PIK3C2G: variants seen among roughly 807,000 people sequenced by gnomAD.
The protein encoded by PIK3C2G is phosphatidylinositol 3-kinase C2 domain-containing subunit gamma.
PIK3C2G carries 168 observed loss-of-function variants against 181.1 expected under a neutral mutation model. The ratio of observed to expected loss-of-function variants is 0.93; its 90% CI spans 0.82 to 1.05. The LOEUF (loss-of-function observed/expected upper bound fraction) is 1.05, where lower values mean the gene tolerates loss of function less well. Ranked by LOEUF, PIK3C2G falls within the 50% of genes least tolerant of loss-of-function variation. The pLI is 0.00. For missense variants in PIK3C2G, 1,869 were observed against 1,732.8 expected (o/e 1.08, Z -1.40); for synonymous variants, 573 against 592.2 (o/e 0.97, Z 0.47).
chr12:18,660,430 AG>A, the PIK3C2G span, among the ~76,000 whole-genome samples: 1 of 152,102 alleles, frequency 6.6e-6, no homozygotes, highest in Non-Finnish European at 1.5e-5. Flanking sequence ...AGTGAGATCC[AG>A]GGGGGTTTAA....
chr12:18,421,032 C>T lies in PIK3C2G; in HGVS notation c.2407C>T (p.Gln803Ter), dbSNP rs1363775683. Residue 803 changes from glutamine to a stop codon, truncating the protein, a stop_gained and splice_region_variant, in exon 17 of 33, where the codon CAG becomes TAG. Transcript: ENST00000538779. LOFTEE classifies it high-confidence loss of function. ...ACTGGAATATCTCCCACAGCTAGTT[C>T]AGGTAAGAATAGAAGAGTTGCTAAG... The part of the protein sequence containing the change: ...ELLEYLPQLV[Q>*]AVKFEWNLES... 13 of 1,549,054 alleles carry T rather than the reference C, an allele frequency of 8.4e-6. No homozygotes were observed. In the Admixed American group the frequency reaches 2.2e-4, roughly 26 times the overall value.
At chr12:18,460,527 T>G (rs1947860758) in intron 18 of PIK3C2G, among the ~76,000 whole-genome samples, 1 of 151,416 alleles carries the variant, frequency 6.6e-6, no homozygotes. Context: ...TGAGCTGAGA[T>G]GGCGCCACTG....
chr12:18,652,178 G>C (rs76143562), downstream of PIK3C2G, among the ~76,000 whole-genome samples: 480 of 152,108 alleles, frequency 3.2e-3, 5 homozygotes, highest in African/African-American at 0.011. Flanking sequence ...AAAGAAAAAA[G>C]GTTACTAAAG....
chr12:18,285,231 TA>T (rs1226318289), intron 2 of PIK3C2G: 2 of 152,090 alleles, frequency 1.3e-5, no homozygotes, highest in African/African-American at 4.8e-5. Flanking sequence ...TTAAATTCTT[TA>T]AAAGAAAATA....
In PIK3C2G at chr12:18,286,857, G is replaced by A; in HGVS notation, c.689G>A (p.Cys230Tyr). Reference protein sequence around the residue: ...TWQKNIESIGCSIQLVEVPQS... With the variant: ...TWQKNIESIGYSIQLVEVPQS... ...AGATTTTATTTTAAGTCAATAGGTTGTTCCATTCAGCTAGTGGAAGTACCT... is the reference window on the plus strand; with the variant it reads ...AGATTTTATTTTAAGTCAATAGGTTATTCCATTCAGCTAGTGGAAGTACCT... Residue 230 changes from cysteine (C) to tyrosine (Y), a missense_variant, in exon 3 of 33, where the codon TGT (cysteine) becomes TAT (tyrosine). By Grantham distance (194) the Cys-to-Tyr change is radical (BLOSUM62 -2). Transcript: ENST00000538779. The A allele has an allele frequency of 6.5e-7, 1 of 1,538,288 alleles. No homozygotes were observed.
At chr12:18,650,698 GTGTGTGTATATATCTA>G (rs1565602417), downstream of PIK3C2G, among the ~76,000 whole-genome samples, 306 of 29,056 alleles carry the variant, frequency 0.011, 14 homozygotes, top group Non-Finnish European at 0.012. Flanking sequence ...GTGTGTGTGT[GTGTGTGTATATATCTA>G]TATATATATA....
At chr12:18,603,905 C>A (rs897191323) in intron 30 of PIK3C2G, among the ~76,000 whole-genome samples, 5 of 151,968 alleles carry the variant, frequency 3.3e-5, no homozygotes, top group African/African-American at 7.3e-5. Flanking sequence ...GGAAACACAT[C>A]AAAAAGAATC....
chr12:18,487,096 TTGTGTGTGTGTGTGTG>T (rs35440588), intron 18 of PIK3C2G, among the ~76,000 whole-genome samples: 6 of 142,198 alleles, frequency 4.2e-5, no homozygotes, highest in Admixed American at 2.1e-4. Flanking sequence ...TTGAGGTATT[TTGTGTGTGTGTGTGTG>T]TGTGTGTGTG....
chr12:18,326,866 T>C (rs1951368323), intron 8 of PIK3C2G, among the ~76,000 whole-genome samples: 1 of 152,268 alleles, frequency 6.6e-6, no homozygotes, highest in Non-Finnish European at 1.5e-5. Flanking sequence ...TACTTATGAA[T>C]GAATTTTAGT....
intron 22 of PIK3C2G, among the ~76,000 whole-genome samples, chr12:18,500,699 C>A (rs1941400714): frequency 6.6e-6 from 1 of 152,170 alleles, no homozygotes; most frequent in South Asian, 2.1e-4. Flanking sequence ...CTCGGCTCTA[C>A]CAATCAGCAG....
chr12:18,494,682 T>G (rs1940858235), intron 20 of PIK3C2G, among the ~76,000 whole-genome samples: 1 of 130,012 alleles, frequency 7.7e-6, no homozygotes, highest in Non-Finnish European at 1.7e-5. Flanking sequence ...GAGCAGAATT[T>G]AAAAACCACT....
At chr12:18,273,791 A>G (rs975398307) in intron 1 of PIK3C2G, among the ~76,000 whole-genome samples, 88 of 152,314 alleles carry the variant, frequency 5.8e-4, no homozygotes, top group African/African-American at 2.1e-3. Flanking sequence ...AACAAAAGCC[A>G]AAATTGAAAA....
chr12:18,642,279 A>G (rs612956), intron 32 of PIK3C2G, among the ~76,000 whole-genome samples: 2 of 152,118 alleles, frequency 1.3e-5, no homozygotes, highest in East Asian at 3.8e-4. Flanking sequence ...TTTGAGTTAA[A>G]TTTTTAATAA....
chr12:18,255,380 T>C (rs564461424), intron 1 of PIK3C2G, among the ~76,000 whole-genome samples: 3 of 152,320 alleles, frequency 2.0e-5, no homozygotes, highest in Non-Finnish European at 4.4e-5. Context: ...TAGGAGTTAA[T>C]ACAGTTTTGA....
chr12:18,618,076 AT>A (rs1948683437), intron 31 of PIK3C2G, among the ~76,000 whole-genome samples: 1 of 152,084 alleles, frequency 6.6e-6, no homozygotes, highest in South Asian at 2.1e-4. Flanking sequence ...GAACTTGGAG[AT>A]TTTACCCACA....
At chr12:18,623,110 T>C (rs868526791) in intron 31 of PIK3C2G, among the ~76,000 whole-genome samples, 38 of 151,826 alleles carry the variant, frequency 2.5e-4, no homozygotes, top group African/African-American at 8.9e-4. Flanking sequence ...ATCTAAAAAA[T>C]CATTGCTCAG....
At chr12:18,708,077 C>T in the PIK3C2G span, among the ~76,000 whole-genome samples, 4 of 152,128 alleles carry the variant, frequency 2.6e-5, no homozygotes, top group African/African-American at 9.7e-5. Context: ...ACTTTATTAC[C>T]TATAATCCTC....
chr12:18,352,898 G>A (rs1940356056), intron 11 of PIK3C2G, among the ~76,000 whole-genome samples: 1 of 152,092 alleles, frequency 6.6e-6, no homozygotes, highest in African/African-American at 2.4e-5. Flanking sequence ...CTGCTGCTCT[G>A]CCAGTCTGCC....
rs11044051 is a variant in PIK3C2G, at chr12:18,365,711, T to C, written c.1748+2825T>C. Among the ~76,000 whole-genome samples, 601 of 152,304 alleles carry C rather than the reference T, an allele frequency of 3.9e-3. 1 individual carries two copies. The highest frequency in any genetic ancestry group is 0.014 in the African/African-American group (563 of 41,548). ...ACTTTTCTCTTACAGTTATATACCT[T>C]TAAATACAATTTAAATGCCAACAGC... On this transcript the variant is annotated intron_variant, in intron 12 of 32. Transcript: ENST00000538779.
Sources: allele counts gnomAD v4.1 joint callset (sites outside exome capture counted in the v4.1 genomes callset), GRCh38; gene constraint gnomAD v4.1.1; transcripts MANE v1.5; gene names NCBI Gene and HGNC (gene_info 2026-07-23, HGNC 2026-07-21).